The following RFX3 variants were observed in gnomAD, a reference collection of about 807,000 sequenced individuals.
RFX3 encodes the protein regulatory factor X3.
In RFX3, 14 loss-of-function variants were observed where a neutral mutation model predicts 98.6. That is an observed-to-expected ratio of 0.14 (90% CI 0.09 to 0.22). RFX3 has a LOEUF of 0.22. RFX3 is among the 10% of genes least tolerant of loss of function. The pLI, the probability that RFX3 is intolerant of heterozygous loss-of-function variation, is 1.00. For synonymous variants in RFX3, 383 were observed against 328.4 expected (o/e 1.17, Z -1.80); for missense variants, 639 against 926.9 (o/e 0.69, Z 4.03).
In RFX3 at chr9:3,225,028, C is replaced by T. The variant is rs760500450; in HGVS notation, c.*14G>A. 1.6e-5 allele frequency: 26 copies of T among 1,609,520 alleles called. No homozygotes were observed. The highest frequency in any genetic ancestry group is 7.7e-5 in the South Asian group (7 of 90,812). On this transcript the variant is annotated 3_prime_UTR_variant, in exon 17 of 17. Transcript: ENST00000617270. ...AGGGTTAATGTAAGCTGGAAAAATACGCTTTAATATTCTTTAGACTGCAGT... is the reference window on the plus strand; with the variant it reads ...AGGGTTAATGTAAGCTGGAAAAATATGCTTTAATATTCTTTAGACTGCAGT...
intron 6 of RFX3, among the ~76,000 whole-genome samples, chr9:3,292,528 T>C (rs1253339460): frequency 1.3e-5 from 2 of 152,206 alleles, no homozygotes; most frequent in African/African-American, 4.8e-5. Context: ...CACTGAGGAA[T>C]TTAAACAATA....
At chr9:3,461,509 T>C (rs1847680955) in intron 1 of RFX3, among the ~76,000 whole-genome samples, 1 of 152,046 alleles carries the variant, frequency 6.6e-6, no homozygotes, top group Admixed American at 6.6e-5. Flanking sequence ...ATTTAAGAAC[T>C]ACTGCATGTT....
chr9:3,369,383 C>T (rs374733169), intron 2 of RFX3, among the ~76,000 whole-genome samples: 1 of 152,188 alleles, frequency 6.6e-6, no homozygotes, highest in Non-Finnish European at 1.5e-5. Flanking sequence ...ACTCCATCCT[C>T]ATAACCTAAT....
chr9:3,345,174 C>T lies in RFX3; in HGVS notation c.215+1493G>A, dbSNP rs1183072124. Reference sequence around the variant, plus strand: ...AGAAGGAGAGTCAGGGTCCATGTCACAAAGAAGGGAGTGACATGTCTGTCT... The same window carrying T: ...AGAAGGAGAGTCAGGGTCCATGTCATAAAGAAGGGAGTGACATGTCTGTCT... On this transcript the variant is annotated intron_variant, in intron 3 of 16. Coordinates refer to ENST00000617270, the MANE Select transcript of RFX3 (RefSeq NM_001282116.2). Among the ~76,000 whole-genome samples, 6 of 152,084 alleles carry T rather than the reference C, an allele frequency of 3.9e-5. No homozygotes were observed. The East Asian group carries it at 1.2e-3, about 29-fold the overall frequency.
intron 9 of RFX3, among the ~76,000 whole-genome samples, chr9:3,273,254 A>G (rs1402048607): frequency 6.6e-5 from 10 of 152,166 alleles, no homozygotes; most frequent in Non-Finnish European, 1.5e-4. Flanking sequence ...ACAGGAAAAA[A>G]TAATTAGAAT....
chr9:3,414,676 A>ATATATGTATATATGAGTATATATGTATG (rs1484618616), intron 1 of RFX3, among the ~76,000 whole-genome samples: 3 of 128,974 alleles, frequency 2.3e-5, no homozygotes, highest in African/African-American at 1.0e-4. Flanking sequence ...ATATATGTAT[A>ATATATGTATATATGAGTATATATGTATG]TATGAGTATA....
chr9:3,234,308 G>C (rs568244303), intron 15 of RFX3, among the ~76,000 whole-genome samples: 1 of 152,242 alleles, frequency 6.6e-6, no homozygotes, highest in African/African-American at 2.4e-5. Context: ...ATAGATAACA[G>C]GTATATGAAT....
chr9:3,218,616 C>A lies in RFX3; in HGVS notation c.*6426G>T, dbSNP rs1038991867. 1 of 152,048 alleles carries A rather than the reference C, an allele frequency of 6.6e-6. No homozygotes were observed. The highest frequency in any genetic ancestry group is 2.4e-5 in the African/African-American group (1 of 41,398). 9.4% of individuals were successfully genotyped at this position (152,048 alleles called of 1,614,324 possible). A position where few individuals can be genotyped will look rare whatever the true frequency, so the allele number is the denominator to read the frequency against. ...CTCACAAAAATCACATCAGGAAATA[C>A]GTATTTACAAAATCAAATACATTAT... is the stretch of plus-strand genomic sequence containing the variant. On this transcript the variant is annotated 3_prime_UTR_variant, in exon 17 of 17. Transcript: ENST00000617270.
At chr9:3,391,843 T>C (rs1343493424) in intron 2 of RFX3, among the ~76,000 whole-genome samples, 1 of 152,220 alleles carries the variant, frequency 6.6e-6, no homozygotes, top group Non-Finnish European at 1.5e-5. Flanking sequence ...GGTAACTGGC[T>C]TTCCCTAACT....
At chr9:3,241,209 G>A (rs553890283) in intron 15 of RFX3, among the ~76,000 whole-genome samples, 17 of 135,562 alleles carry the variant, frequency 1.3e-4, no homozygotes, top group African/African-American at 4.1e-4. Context: ...ACACTTTTTG[G>A]TCTAGGAGTT....
At chr9:3,317,645 T>G (rs1468482709) in intron 4 of RFX3, among the ~76,000 whole-genome samples, 1 of 152,168 alleles carries the variant, frequency 6.6e-6, no homozygotes, top group East Asian at 1.9e-4. Flanking sequence ...ATATCCAGAA[T>G]CTACAAAGAA....
chr9:3,278,606 G>A (rs781671426), intron 7 of RFX3, among the ~76,000 whole-genome samples: 2 of 151,740 alleles, frequency 1.3e-5, no homozygotes, highest in Non-Finnish European at 2.9e-5. Context: ...AAAGATGCCT[G>A]CATGCTGACA....
At chr9:3,316,890 T>A (rs1830671853) in intron 4 of RFX3, among the ~76,000 whole-genome samples, 1 of 152,140 alleles carries the variant, frequency 6.6e-6, no homozygotes, top group African/African-American at 2.4e-5. Context: ...AATGGAAGAA[T>A]ATTCCATAAC....
chr9:3,290,378 G>C (rs1827184677), intron 6 of RFX3, among the ~76,000 whole-genome samples: 1 of 152,046 alleles, frequency 6.6e-6, no homozygotes, highest in Non-Finnish European at 1.5e-5. Flanking sequence ...TTAAAGACTT[G>C]TTTCAACGTT....
At chr9:3,375,595 T>C (rs1324078337) in intron 2 of RFX3, among the ~76,000 whole-genome samples, 2 of 152,240 alleles carry the variant, frequency 1.3e-5, no homozygotes, top group African/African-American at 2.4e-5. Flanking sequence ...ATTCTTGCTT[T>C]CCTTGGTTTT....
chr9:3,388,261 T>C (rs1173281829), intron 2 of RFX3, among the ~76,000 whole-genome samples: 1 of 152,078 alleles, frequency 6.6e-6, no homozygotes, highest in African/African-American at 2.4e-5. Context: ...TCCTAAAGAT[T>C]AACAGATCAT....
chr9:3,362,160 G>A (rs1387680174), intron 2 of RFX3, among the ~76,000 whole-genome samples: 5 of 152,160 alleles, frequency 3.3e-5, no homozygotes, highest in Non-Finnish European at 7.4e-5. Context: ...TTGAGCAAGA[G>A]CCAGGAGATT....
chr9:3,367,383 G>A (rs908657362), intron 2 of RFX3, among the ~76,000 whole-genome samples: 1 of 152,130 alleles, frequency 6.6e-6, no homozygotes, highest in Non-Finnish European at 1.5e-5. Context: ...AACTCAATGA[G>A]CTTGGAATGG....
intron 1 of RFX3, among the ~76,000 whole-genome samples, chr9:3,513,763 C>T (rs1030263918): frequency 6.6e-6 from 1 of 152,156 alleles, no homozygotes; most frequent in Admixed American, 6.5e-5. Flanking sequence ...CCCAAAAATG[C>T]TCAAGCAAAC....
Sources: allele counts gnomAD v4.1 joint callset (sites outside exome capture counted in the v4.1 genomes callset), GRCh38; gene constraint gnomAD v4.1.1; transcripts MANE v1.5; gene names NCBI Gene and HGNC (gene_info 2026-07-23, HGNC 2026-07-21).